The following SURF6 variants were observed in gnomAD, a reference collection of about 807,000 sequenced individuals.
SURF6 encodes surfeit 6.
Under a neutral mutation model 37.5 loss-of-function variants are expected in SURF6, and 28 were observed. That is an observed-to-expected ratio of 0.75 (90% CI 0.55 to 1.02). The LOEUF (loss-of-function observed/expected upper bound fraction) is 1.02, where lower values mean the gene tolerates loss of function less well. Ranked by LOEUF, SURF6 falls within the 50% of genes least tolerant of loss-of-function variation. The pLI, the probability that SURF6 is intolerant of heterozygous loss-of-function variation, is 0.00. For synonymous variants in SURF6, 248 were observed against 210.9 expected (o/e 1.18, Z -1.52); for missense variants, 560 against 490.5 (o/e 1.14, Z -1.34).
chr9:133,334,964 A>G (rs1835836653), intron 1 of SURF6, among the ~76,000 whole-genome samples: 2 of 152,002 alleles, frequency 1.3e-5, no homozygotes, highest in African/African-American at 4.8e-5. Context: ...TTATGTTTAC[A>G]TTTTTTCTTT....
chr9:133,332,409 G>C lies in SURF6; in HGVS notation c.607-61C>G, dbSNP rs926630231. 3.3e-6 allele frequency: 5 copies of C among 1,532,724 alleles called. No individual in the cohort carries two copies. The Admixed American group carries it at 9.9e-5, about 30-fold the overall frequency. 94.9% of individuals were successfully genotyped at this position (1,532,724 alleles called of 1,614,324 possible). A position where few individuals can be genotyped will look rare whatever the true frequency, so the allele number is the denominator to read the frequency against. ...CTGCACTAGGCCCCAGCCTTGGCCAGTACCCTAAGGGACCTGCGAGGTCCC... is the reference window on the plus strand; with the variant it reads ...CTGCACTAGGCCCCAGCCTTGGCCACTACCCTAAGGGACCTGCGAGGTCCC... On this transcript the variant is annotated intron_variant, in intron 4 of 4. Transcript: ENST00000372022.
At position 133,331,996 on chromosome 9, in the gene SURF6, T is replaced by C. The variant is rs2129913683; in HGVS notation, c.959A>G (p.Gln320Arg). The stretch of plus-strand genomic sequence containing the variant: ...GTTCTGCCGCCGCCGGTCCTGGCGC[T>C]GCTGCATCTTCTCCACCACGCCGGC... The part of the protein sequence containing the change: ...RTAGVVEKMQ[Q>R]RQDRRRQNLR... The change falls in exon 5 of 5, where the codon CAG (glutamine) becomes CGG (arginine). Residue 320 changes from glutamine (Q) to arginine (R), a missense_variant. Gln to Arg is a conservative substitution (Grantham distance 43). Transcript: ENST00000372022. 6 of 1,599,184 alleles carry C rather than the reference T, an allele frequency of 3.8e-6. No individual in the cohort carries two copies. In the African/African-American group the frequency reaches 8.0e-5, roughly 21 times the overall value.
Position 133,332,041 on chromosome 9 carries a change from C to T in SURF6, c.914G>A (p.Arg305His), listed in dbSNP as rs145191006. Residue 305 changes from arginine to histidine, a missense_variant, in exon 5 of 5, where the codon CGC (arginine) becomes CAC (histidine). By Grantham distance (29) the Arg-to-His change is conservative (BLOSUM62 0). Coordinates refer to ENST00000372022, the MANE Select transcript of SURF6 (RefSeq NM_006753.6). Reference protein sequence around the residue: ...RKEKRRAQRQRRWEKRTAGVV... With the variant: ...RKEKRRAQRQHRWEKRTAGVV... ...GCCGGCCGTGCGCTTCTCCCACCGGCGCTGCCGCTGCGCCCTGCGCTTCTC... is the reference window on the plus strand; with the variant it reads ...GCCGGCCGTGCGCTTCTCCCACCGGTGCTGCCGCTGCGCCCTGCGCTTCTC... The T allele has an allele frequency of 1.3e-5, 21 of 1,603,044 alleles. No homozygotes were observed. The highest frequency in any genetic ancestry group is 1.6e-4 in the Middle Eastern group (1 of 6,078).
In SURF6 at chr9:133,336,071, T is replaced by C; in HGVS notation, c.62A>G (p.His21Arg). 1 of 1,612,598 alleles carries C rather than the reference T, an allele frequency of 6.2e-7. No homozygotes were observed. The highest frequency in any genetic ancestry group is 8.5e-7 in the Non-Finnish European group (1 of 1,179,826). ...GCGCGCCTGCTGTTCCGGGGCCGAA[T>C]GGGAGCAGATCTTCTTGGCCAGGCT... is the stretch of plus-strand genomic sequence containing the variant. ...LQSLAKKICS[H>R]SAPEQQARTR... Residue 21 changes from histidine to arginine, a missense_variant, in exon 1 of 5, where the codon CAT becomes CGT. Physicochemically the swap from His to Arg is conservative, Grantham distance 29. Transcript: ENST00000372022.
rs2129924816 is a variant in SURF6, at chr9:133,333,780, C to T, written c.331G>A (p.Val111Ile). ...TGTCGCAGAACATCCAGAGCAAAGA[C>T]AGACTCAGGCTCAGTGGCCAGGCCA... Reference protein sequence around the residue: ...ADGLATEPESVFALDVLRQRL... With the variant: ...ADGLATEPESIFALDVLRQRL... Residue 111 changes from valine to isoleucine, a missense_variant, in exon 3 of 5, where the codon GTC (valine) becomes ATC (isoleucine). Physicochemically the swap from Val to Ile is conservative, Grantham distance 29 (BLOSUM62 3). Coordinates refer to ENST00000372022, the MANE Select transcript of SURF6 (RefSeq NM_006753.6). 6.2e-7 allele frequency: 1 copy of T among 1,613,942 alleles called. No individual in the cohort carries two copies. The highest frequency in any genetic ancestry group is 8.5e-7 in the Non-Finnish European group (1 of 1,179,950).
At chr9:133,333,170 G>C (rs782133379) in intron 3 of SURF6, among the ~76,000 whole-genome samples, 1 of 152,010 alleles carries the variant, frequency 6.6e-6, no homozygotes, top group Non-Finnish European at 1.5e-5. Context: ...TCCCATCCCC[G>C]GGCCAACAAG....
chr9:133,332,797 C>T lies in SURF6; in HGVS notation c.394-37G>A, dbSNP rs2129921510. ...AGGCACCCACTCATTAAAGTTCTCT[C>T]GATCCCAGGGTCCCCCAGCCTGGCC... On this transcript the variant is annotated intron_variant, in intron 3 of 4. Coordinates refer to ENST00000372022, the MANE Select transcript of SURF6 (RefSeq NM_006753.6). 9.1e-5 allele frequency: 145 copies of T among 1,596,300 alleles called. No homozygotes were observed. The Admixed American group carries it at 1.8e-3, about 20-fold the overall frequency.
rs1835827162 is a variant in SURF6 at position 133,334,571 on chromosome 9, C to G, written c.125G>C (p.Gly42Ala). The G allele has an allele frequency of 6.2e-7, 1 of 1,611,466 alleles. No individual in the cohort carries two copies. Among genetic ancestry groups the G allele is most frequent in the South Asian group, 1.1e-5 (1 of 91,078 alleles). ...TTTCTTCCTTTTCTTTTTTGGGGGC[C>G]CTGCAGTTTCTGAGCCTTGAGTTTT... ...AGKTQGSETA[G>A]PPKKKRKKTQ... The change falls in exon 2 of 5, where the codon GGG becomes GCG. Residue 42 changes from glycine (G) to alanine (A), a missense_variant. Physicochemically the swap from Gly to Ala is moderately conservative, Grantham distance 60. Transcript: ENST00000372022.
At position 133,329,393 on chromosome 9, in the gene SURF6, A is replaced by AG. The variant is rs2129902441; in HGVS notation, c.*2475dup. 1 of 247,298 alleles carries AG rather than the reference A, an allele frequency of 4.0e-6. No homozygotes were observed. The highest frequency in any genetic ancestry group is 8.2e-6 in the Non-Finnish European group (1 of 121,826). The allele number at this position is 247,298 out of a possible 1,614,324, so 15.3% of individuals were successfully genotyped here. A position where few individuals can be genotyped will look rare whatever the true frequency, so the allele number is the denominator to read the frequency against. On this transcript the variant is annotated 3_prime_UTR_variant, in exon 5 of 5. Transcript: ENST00000372022. ...AGCAGAGTCTTCTCTAAACTCCTCCAGGGAAAGGGACACTCCCTTTCCCGG... is the reference window on the plus strand; with the variant it reads ...AGCAGAGTCTTCTCTAAACTCCTCCAGGGGAAAGGGACACTCCCTTTCCCGG...
chr9:133,335,916 C>A, intron 1 of SURF6, 123 bp downstream of exon 1: 3 of 752,786 alleles, frequency 4.0e-6, no homozygotes, highest in South Asian at 2.0e-5. Context: ...ATAAGGGAAA[C>A]GGCGATAATT....
At chr9:133,334,730 G>T in intron 1 of SURF6, 129 bp from the exon 2 acceptor site, 2 of 1,093,108 alleles carry the variant, frequency 1.8e-6, no homozygotes, top group East Asian at 2.5e-5. Flanking sequence ...CAGAGACACT[G>T]ATCCTAGAGC....
intron 1 of SURF6, 36 bp from the exon 2 acceptor site, chr9:133,334,637 C>G: frequency 6.3e-7 from 1 of 1,597,048 alleles, no homozygotes; most frequent in Non-Finnish European, 8.5e-7. Flanking sequence ...AAGTCCCAAT[C>G]TCATGGCCCA....
chr9:133,334,737 G>C lies in SURF6; in HGVS notation c.95-136C>G, dbSNP rs188400726. 6.6e-4 allele frequency: 687 copies of C among 1,036,954 alleles called. 14 individuals carry two copies. In the South Asian group the frequency reaches 0.01, roughly 16 times the overall value. 64.2% of individuals were successfully genotyped at this position (1,036,954 alleles called of 1,614,324 possible). ...TCGGGGGCCAGAGACACTGATCCTA[G>C]AGCTCAGAACCACAACCTTGACCCA... On this transcript the variant is annotated intron_variant, in intron 1 of 4. Transcript: ENST00000372022.
At position 133,331,728 on chromosome 9, in the gene SURF6, A is replaced by C; in HGVS notation, c.*141T>G. 1 of 1,153,662 alleles carries C rather than the reference A, an allele frequency of 8.7e-7. No individual in the cohort carries two copies. The highest frequency in any genetic ancestry group is 1.1e-6 in the Non-Finnish European group (1 of 879,622). 71.5% of individuals were successfully genotyped at this position (1,153,662 alleles called of 1,614,324 possible). A position where few individuals can be genotyped will look rare whatever the true frequency, so the allele number is the denominator to read the frequency against. ...GGGATCTGTGATCTGGGCCCTCACAACTCAGCAGAGCACCACTGTGTCCCC... is the reference window on the plus strand; with the variant it reads ...GGGATCTGTGATCTGGGCCCTCACACCTCAGCAGAGCACCACTGTGTCCCC... On this transcript the variant is annotated 3_prime_UTR_variant, in exon 5 of 5. Coordinates refer to ENST00000372022, the MANE Select transcript of SURF6 (RefSeq NM_006753.6).
rs2129900776 is a variant in SURF6 at position 133,328,953 on chromosome 9, T to C, written c.*2916A>G. The C allele has an allele frequency of 8.4e-5, 13 of 154,512 alleles. No individual in the cohort carries two copies. The highest frequency in any genetic ancestry group is 1.8e-4 in the South Asian group (1 of 5,640). 9.6% of individuals were successfully genotyped at this position (154,512 alleles called of 1,614,324 possible). On this transcript the variant is annotated 3_prime_UTR_variant, in exon 5 of 5. Transcript: ENST00000372022. ...GCAGCTGGGCCCGGGAGACCACTACTACCAATGCTCGGAGACCGGTAGTGG... is the reference window on the plus strand; with the variant it reads ...GCAGCTGGGCCCGGGAGACCACTACCACCAATGCTCGGAGACCGGTAGTGG...
rs1475804945 is a variant in SURF6, at chr9:133,334,569, G to A, written c.127C>T (p.Pro43Ser). The part of the protein sequence containing the change: ...GKTQGSETAG[P>S]PKKKRKKTQK... The stretch of plus-strand genomic sequence containing the variant: ...GTTTTCTTCCTTTTCTTTTTTGGGG[G>A]CCCTGCAGTTTCTGAGCCTTGAGTT... The change falls in exon 2 of 5, where the codon CCC (proline) becomes TCC (serine). Residue 43 changes from proline to serine, a missense_variant. Pro to Ser is a moderately conservative substitution (Grantham distance 74). Coordinates refer to ENST00000372022, the MANE Select transcript of SURF6 (RefSeq NM_006753.6). 3 of 1,611,610 alleles carry A rather than the reference G, an allele frequency of 1.9e-6. No homozygotes were observed. The highest frequency in any genetic ancestry group is 1.3e-5 in the African/African-American group (1 of 74,832).
At position 133,333,416 on chromosome 9, in the gene SURF6, G is replaced by A. The variant is rs2129923496; in HGVS notation, c.393+302C>T. Among the ~76,000 whole-genome samples the A allele has an allele frequency of 1.4e-3, 207 of 152,288 alleles. 1 individual carries two copies. The highest frequency in any genetic ancestry group is 2.5e-3 in the Non-Finnish European group (170 of 68,018). ...GCTGCATTGGTGCTTCCTGTGCCTG[G>A]CCACTCAGCTCAAGTCCCTACTCAA... On this transcript the variant is annotated intron_variant, in intron 3 of 4. Coordinates refer to ENST00000372022, the MANE Select transcript of SURF6 (RefSeq NM_006753.6).
chr9:133,334,250 G>A (rs1033982203), intron 2 of SURF6, 142 bp downstream of exon 2: 6 of 749,358 alleles, frequency 8.0e-6, no homozygotes, highest in African/African-American at 3.5e-5. Context: ...TAGCACTCCT[G>A]TGATCTTTGC....
At chr9:133,335,388 T>G (rs184776211) in intron 1 of SURF6, among the ~76,000 whole-genome samples, 106 of 151,958 alleles carry the variant, frequency 7.0e-4, no homozygotes, top group African/African-American at 2.3e-3. Flanking sequence ...ATGAGAAAAT[T>G]CACTTAAGAT....
Sources: allele counts gnomAD v4.1 joint callset (sites outside exome capture counted in the v4.1 genomes callset), GRCh38; gene constraint gnomAD v4.1.1; transcripts MANE v1.5; gene names NCBI Gene and HGNC (gene_info 2026-07-23, HGNC 2026-07-21).